ITPR2: variants seen among roughly 807,000 people sequenced by gnomAD.
ITPR2 encodes the protein inositol 1,4,5-trisphosphate receptor type 2.
ITPR2 carries 207 observed loss-of-function variants against 317.1 expected under a neutral mutation model. The observed-to-expected ratio is 0.65, with a 90% CI of 0.58 to 0.73. The LOEUF is 0.73. Ranked by LOEUF, ITPR2 falls within the 30% of genes least tolerant of loss-of-function variation. The probability of loss-of-function intolerance (pLI) is 0.00; values close to 1 mark genes in which losing one functional copy is unlikely to be tolerated. For synonymous variants in ITPR2, 1,156 were observed against 1,149.1 expected (o/e 1.01, Z -0.12); for missense variants, 2,613 against 3,284.0 (o/e 0.80, Z 4.99).
intron 2 of ITPR2, among the ~76,000 whole-genome samples, chr12:26,736,698 C>T (rs1949123904): frequency 6.6e-6 from 1 of 152,066 alleles, no homozygotes; most frequent in South Asian, 2.1e-4. Context: ...ATTATCACTC[C>T]AAATATAAAT....
At chr12:26,408,732 C>A (rs1296804860) in intron 52 of ITPR2, among the ~76,000 whole-genome samples, 17 of 152,094 alleles carry the variant, frequency 1.1e-4, no homozygotes, top group Non-Finnish European at 2.9e-5. Context: ...AATATTTTGT[C>A]TTGAAATCAA....
intron 45 of ITPR2, among the ~76,000 whole-genome samples, chr12:26,461,442 A>G (rs1942016473): frequency 6.6e-6 from 1 of 151,934 alleles, no homozygotes. Flanking sequence ...ATTTGTTTAC[A>G]TATTGTCTAT....
chr12:26,798,653 A>C (rs1468168742), intron 1 of ITPR2, among the ~76,000 whole-genome samples: 1 of 152,216 alleles, frequency 6.6e-6, no homozygotes, highest in Non-Finnish European at 1.5e-5. Flanking sequence ...CAAGGATGTT[A>C]ATTCATGTTT....
chr12:26,385,441 T>C (rs1198859205), intron 55 of ITPR2, among the ~76,000 whole-genome samples: 2 of 152,136 alleles, frequency 1.3e-5, no homozygotes, highest in African/African-American at 4.8e-5. Flanking sequence ...CCTAATCTCA[T>C]CTGCTGCCAA....
intron 10 of ITPR2, among the ~76,000 whole-genome samples, chr12:26,690,754 C>T (rs1157643999): frequency 1.3e-5 from 2 of 152,180 alleles, no homozygotes; most frequent in Non-Finnish European, 2.9e-5. Flanking sequence ...TTTTGACATT[C>T]TCACACTGCA....
rs77484704 is a variant in ITPR2, at chr12:26,521,858, G to A, written c.5074-26598C>T. On this transcript the variant is annotated intron_variant, in intron 37 of 56. Transcript: ENST00000381340. Reference sequence around the variant, plus strand: ...GCGAGTTATATTCCCTGATGATAATGAGCTATCCCTACATCACTAACTCAT... The same window carrying A: ...GCGAGTTATATTCCCTGATGATAATAAGCTATCCCTACATCACTAACTCAT... Among the ~76,000 whole-genome samples the A allele has an allele frequency of 4.3e-3, 660 of 152,202 alleles. 10 individuals carry two copies. Among genetic ancestry groups the A allele is most frequent in the African/African-American group, 0.015 (613 of 41,520 alleles).
intron 26 of ITPR2, among the ~76,000 whole-genome samples, chr12:26,620,105 C>A (rs183739974): frequency 6.6e-6 from 1 of 152,322 alleles, no homozygotes; most frequent in East Asian, 1.9e-4. Flanking sequence ...GCTGGTTTCT[C>A]AAATTCCCCT....
chr12:26,518,070 C>T (rs970049476), intron 37 of ITPR2, among the ~76,000 whole-genome samples: 1 of 152,088 alleles, frequency 6.6e-6, no homozygotes, highest in African/African-American at 2.4e-5. Flanking sequence ...CACATATACA[C>T]AATGTTCATC....
intron 37 of ITPR2, among the ~76,000 whole-genome samples, chr12:26,517,116 TA>T (rs912398186): frequency 1.3e-4 from 20 of 152,226 alleles, no homozygotes; most frequent in African/African-American, 4.8e-4. Flanking sequence ...AAACTCTCCT[TA>T]AACAACTTTT....
chr12:26,495,010 C>T, intron 38 of ITPR2, 142 bp downstream of exon 38: 1 of 640,246 alleles, frequency 1.6e-6, no homozygotes, highest in South Asian at 1.9e-5. Flanking sequence ...TTTTATGAGC[C>T]CCAAATTGTA....
At chr12:26,594,024 A>G (rs544961910) in intron 32 of ITPR2, among the ~76,000 whole-genome samples, 5 of 152,304 alleles carry the variant, frequency 3.3e-5, no homozygotes, top group Admixed American at 6.5e-5. Context: ...AAGCTTAGTC[A>G]TTGGCATGGA....
intron 34 of ITPR2, among the ~76,000 whole-genome samples, chr12:26,578,496 A>C (rs892518272): frequency 2.1e-4 from 32 of 152,222 alleles, no homozygotes; most frequent in African/African-American, 7.5e-4. Flanking sequence ...CATATGCAAT[A>C]ATATTAAATT....
intron 1 of ITPR2, among the ~76,000 whole-genome samples, chr12:26,830,587 G>C (rs1470367674): frequency 6.6e-6 from 1 of 152,188 alleles, no homozygotes; most frequent in Non-Finnish European, 1.5e-5. Flanking sequence ...TCTCTAAAAT[G>C]ATCAGGGTCG....
At chr12:26,677,266 A>C (rs1248651930) in intron 13 of ITPR2, among the ~76,000 whole-genome samples, 1 of 152,240 alleles carries the variant, frequency 6.6e-6, no homozygotes, top group Non-Finnish European at 1.5e-5. Flanking sequence ...ATGCATTCAA[A>C]TAAATTTGTC....
chr12:26,561,352 GC>G (rs1424755081), intron 35 of ITPR2, among the ~76,000 whole-genome samples: 1 of 152,196 alleles, frequency 6.6e-6, no homozygotes, highest in Non-Finnish European at 1.5e-5. Context: ...CAATTTCCAG[GC>G]CTAAATCAGG....
At chr12:26,541,934 A>G (rs896438305) in intron 37 of ITPR2, among the ~76,000 whole-genome samples, 21 of 152,170 alleles carry the variant, frequency 1.4e-4, no homozygotes, top group East Asian at 1.9e-4. Context: ...ATCATTTCTT[A>G]AAGATCTTTA....
In ITPR2 at chr12:26,556,369, C is replaced by G. The variant is rs1401585663; in HGVS notation, c.4828G>C (p.Val1610Leu). The change falls in exon 36 of 57, where the codon GTG becomes CTG. Residue 1610 changes from valine to leucine, a missense_variant. Val to Leu is a conservative substitution (Grantham distance 32). This residue lies in a region of ITPR2 where 926 missense variants were observed against 1,072.8 expected (regional missense o/e 0.86). Transcript: ENST00000381340. The part of the protein sequence containing the change: ...RNIIEKLQDV[V>L]ASLEHQFSPM... Reference sequence around the variant, plus strand: ...CTGAACTGGTGCTCCAAGGAGGCCACTACATCCTAGGGAATGAAACACAAG... The same window carrying G: ...CTGAACTGGTGCTCCAAGGAGGCCAGTACATCCTAGGGAATGAAACACAAG... The G allele has an allele frequency of 6.2e-7, 1 of 1,612,104 alleles. No individual in the cohort carries two copies. The highest frequency in any genetic ancestry group is 1.3e-5 in the African/African-American group (1 of 74,824).
rs184194214 is a variant in ITPR2, at chr12:26,406,056, A to G, written c.7399+5264T>C. Reference sequence around the variant, plus strand: ...GGAAATGCTGATTTTAAAAATTTCAACTATATCCAAAATGTCAGTACTGCT... The same window carrying G: ...GGAAATGCTGATTTTAAAAATTTCAGCTATATCCAAAATGTCAGTACTGCT... On this transcript the variant is annotated intron_variant, in intron 52 of 56. Coordinates refer to ENST00000381340, the MANE Select transcript of ITPR2 (RefSeq NM_002223.4). Among the ~76,000 whole-genome samples, 160 of 152,318 alleles carry G rather than the reference A, an allele frequency of 1.1e-3. 1 individual carries two copies. The highest frequency in any genetic ancestry group is 3.6e-3 in the African/African-American group (151 of 41,576).
At chr12:26,692,113 C>T (rs1307391831) in intron 10 of ITPR2, among the ~76,000 whole-genome samples, 3 of 152,068 alleles carry the variant, frequency 2.0e-5, no homozygotes, top group Admixed American at 2.0e-4. Context: ...GAAGCTGGTA[C>T]ACCGCCCCCC....
Sources: gnomAD v4.1 joint callset for allele counts (sites outside exome capture counted in the v4.1 genomes callset) on GRCh38, gnomAD v4.1.1 for gene constraint, gnomAD v4.1.1 regional missense constraint, MANE v1.5 for transcripts, NCBI Gene and HGNC (gene_info 2026-07-23, HGNC 2026-07-21) for gene names.